Variants in IFT88 observed in about 807,000 individuals in gnomAD.
IFT88 encodes intraflagellar transport protein 88 homolog.
IFT88 carries 74 observed loss-of-function variants against 119.5 expected under a neutral mutation model. The ratio of observed to expected loss-of-function variants is 0.62; its 90% CI spans 0.51 to 0.75. The LOEUF is 0.75. Ranked by LOEUF, IFT88 falls within the 30% of genes least tolerant of loss-of-function variation. IFT88 has a pLI of 0.00. For synonymous variants in IFT88, 279 were observed against 316.7 expected, an observed-to-expected ratio of 0.88 and a Z score of 1.26; for missense variants, 961 against 977.7, an observed-to-expected ratio of 0.98 and a Z score of 0.23.
At position 20,643,567 on chromosome 13, in the gene IFT88, G is replaced by A; in HGVS notation, c.1795G>A (p.Glu599Lys). The stretch of plus-strand genomic sequence containing the variant: ...TAAGCTAGGAGAATTATATGATCGT[G>A]AAGGAGATAAATCTCAAGCATTTCA... The part of the protein sequence containing the change: ...LSKLGELYDR[E>K]GDKSQAFQYY... The change falls in exon 19 of 26, where the codon GAA becomes AAA. Residue 599 changes from glutamate to lysine, a missense_variant. Physicochemically the swap from Glu to Lys is moderately conservative, Grantham distance 56 (BLOSUM62 1). Transcript: ENST00000351808. 1 of 1,609,608 alleles carries A rather than the reference G, an allele frequency of 6.2e-7. No homozygotes were observed. Among genetic ancestry groups the A allele is most frequent in the Non-Finnish European group, 8.5e-7 (1 of 1,176,654 alleles).
At chr13:20,666,508 A>G (rs1271233213) in intron 23 of IFT88, among the ~76,000 whole-genome samples, 1 of 152,228 alleles carries the variant, frequency 6.6e-6, no homozygotes, top group East Asian at 1.9e-4. Context: ...TGGTTCTTCC[A>G]GTCCCCGGAA....
rs747240431 is a variant in IFT88 at position 20,598,748 on chromosome 13, A to G, written c.692A>G (p.Asn231Ser). 7 of 1,578,696 alleles carry G rather than the reference A, an allele frequency of 4.4e-6. No individual in the cohort carries two copies. The highest frequency in any genetic ancestry group is 6.1e-6 in the Non-Finnish European group (7 of 1,149,292). The change falls in exon 10 of 26, where the codon AAT becomes AGT. Residue 231 changes from asparagine to serine, a missense_variant. Asn to Ser is a conservative substitution (Grantham distance 46, BLOSUM62 1). Transcript: ENST00000351808. ...QVIVKNKMFSNAGILKMNMGN... is the reference protein window; with the variant it reads ...QVIVKNKMFSSAGILKMNMGN... ...ATAGTCAAAAATAAGATGTTTAGCA[A>G]TGCAGGTAAGTGTACATAATCAGTT...
intron 24 of IFT88, among the ~76,000 whole-genome samples, chr13:20,686,602 A>G (rs1169870117): frequency 6.6e-6 from 1 of 152,026 alleles, no homozygotes. Flanking sequence ...ATATAAATGT[A>G]TTATGTACTC....
intron 2 of IFT88, among the ~76,000 whole-genome samples, chr13:20,581,662 T>C (rs146868949): frequency 6.7e-6 from 1 of 150,366 alleles, no homozygotes; most frequent in East Asian, 2.0e-4. Flanking sequence ...GAGACCAGCC[T>C]GGGTAACACG....
chr13:20,592,409 G>A lies in IFT88; in HGVS notation c.398+5G>A. ...GGAAGCCAAGAAAAAAGATAGGTAT[G>A]TAAGTCCTTATGTTGTTGTTTGTTG... On this transcript the variant is annotated splice_donor_5th_base_variant and intron_variant, in intron 7 of 25. Coordinates refer to ENST00000351808, the MANE Select transcript of IFT88 (RefSeq NM_006531.5). The A allele has an allele frequency of 6.3e-7, 1 of 1,597,956 alleles. No homozygotes were observed. The highest frequency in any genetic ancestry group is 8.5e-7 in the Non-Finnish European group (1 of 1,170,216).
At chr13:20,577,540 G>GT (rs1028739943) in intron 2 of IFT88, among the ~76,000 whole-genome samples, 6 of 151,024 alleles carry the variant, frequency 4.0e-5, no homozygotes, top group East Asian at 1.9e-4. Flanking sequence ...TCTATACACA[G>GT]TTTTTTTTTA....
intron 24 of IFT88, among the ~76,000 whole-genome samples, chr13:20,673,621 G>C (rs1404212896): frequency 5.3e-5 from 8 of 152,196 alleles, no homozygotes; most frequent in African/African-American, 1.9e-4. Flanking sequence ...CCTCCTCCAC[G>C]GTCAGGGAAG....
chr13:20,570,216 A>G (rs2036041053), intron 1 of IFT88, among the ~76,000 whole-genome samples: 1 of 152,216 alleles, frequency 6.6e-6, no homozygotes, highest in South Asian at 2.1e-4. Flanking sequence ...AAAAACAGGA[A>G]CAGTAACAGA....
chr13:20,678,880 A>G (rs901826415), intron 24 of IFT88, among the ~76,000 whole-genome samples: 5 of 152,182 alleles, frequency 3.3e-5, no homozygotes, highest in African/African-American at 1.2e-4. Flanking sequence ...GACAGACAAC[A>G]CAGATTAAAA....
At chr13:20,587,262 TTTTC>T (rs769484885) in intron 3 of IFT88, among the ~76,000 whole-genome samples, 7 of 152,044 alleles carry the variant, frequency 4.6e-5, no homozygotes, top group Non-Finnish European at 7.4e-5. Context: ...TGCTTTTTTT[TTTTC>T]TTTCTTTCTG....
intron 20 of IFT88, among the ~76,000 whole-genome samples, chr13:20,652,892 G>C (rs958969778): frequency 2.0e-5 from 3 of 152,194 alleles, no homozygotes; most frequent in African/African-American, 7.2e-5. Context: ...ACAAAAGCCA[G>C]AAGTCTAGCA....
chr13:20,625,617 C>A, intron 14 of IFT88, 133 bp from the exon 15 acceptor site: 1 of 548,662 alleles, frequency 1.8e-6, no homozygotes, highest in Non-Finnish European at 3.2e-6. Context: ...TGTGTTGGAG[C>A]AAATCGAGTG....
At chr13:20,584,787 C>T (rs1479397806) in intron 3 of IFT88, among the ~76,000 whole-genome samples, 1 of 152,198 alleles carries the variant, frequency 6.6e-6, no homozygotes, top group African/African-American at 2.4e-5. Context: ...CTGCTTCTCC[C>T]TACCTATCTA....
At chr13:20,618,502 TTTC>T (rs1416752902) in intron 14 of IFT88, among the ~76,000 whole-genome samples, 1 of 152,196 alleles carries the variant, frequency 6.6e-6, no homozygotes, top group Non-Finnish European at 1.5e-5. Context: ...TGAATCAGAA[TTTC>T]TGGGTGTTGG....
chr13:20,615,253 C>T (rs1330462480), intron 13 of IFT88, among the ~76,000 whole-genome samples: 1 of 152,128 alleles, frequency 6.6e-6, no homozygotes, highest in African/African-American at 2.4e-5. Flanking sequence ...TTTTACCCAC[C>T]ACTATAAATT....
intron 22 of IFT88, among the ~76,000 whole-genome samples, chr13:20,659,358 G>T (rs569866184): frequency 7.3e-4 from 111 of 152,182 alleles, no homozygotes; most frequent in Admixed American, 3.2e-3. Context: ...TCAGGGCATG[G>T]TGGTGTGCAT....
intron 14 of IFT88, among the ~76,000 whole-genome samples, chr13:20,621,266 C>T (rs1467838907): frequency 6.6e-6 from 1 of 152,084 alleles, no homozygotes; most frequent in African/African-American, 2.4e-5. Flanking sequence ...AGGATTTAGC[C>T]ATACTGGCCA....
intron 11 of IFT88, among the ~76,000 whole-genome samples, chr13:20,601,135 G>A (rs1186835157): frequency 6.6e-6 from 1 of 152,236 alleles, no homozygotes; most frequent in Non-Finnish European, 1.5e-5. Flanking sequence ...GGAGGCCGAG[G>A]CGGGCGAATC....
intron 9 of IFT88, among the ~76,000 whole-genome samples, chr13:20,597,460 T>C (rs532081998): frequency 2.0e-5 from 3 of 152,166 alleles, no homozygotes; most frequent in East Asian, 1.9e-4. Context: ...TTAAAAAATA[T>C]GTAGCCGGGT....
Sources: allele counts gnomAD v4.1 joint callset (sites outside exome capture counted in the v4.1 genomes callset), GRCh38; gene constraint gnomAD v4.1.1; transcripts MANE v1.5; gene names NCBI Gene and HGNC (gene_info 2026-07-23, HGNC 2026-07-21).